The following AATF variants were observed in gnomAD, a reference collection of about 807,000 sequenced individuals.
The protein encoded by AATF is apoptosis antagonizing transcription factor, also known as protein AATF.
AATF carries 48 observed loss-of-function variants against 63.7 expected under a neutral mutation model. The observed-to-expected ratio is 0.75, with a 90% confidence interval of 0.60 to 0.96. The LOEUF (loss-of-function observed/expected upper bound fraction) is 0.96. Among genes scored for constraint, AATF ranks in the 40% least tolerant of loss-of-function variants. The pLI is 0.00. For missense variants in AATF, 639 were observed against 685.7 expected (o/e 0.93, Z 0.76); for synonymous variants, 258 against 247.7 (o/e 1.04, Z -0.39).
intron 11 of AATF, among the ~76,000 whole-genome samples, chr17:37,040,289 C>T (rs947929163): frequency 1.1e-4 from 17 of 152,090 alleles, no homozygotes; most frequent in African/African-American, 3.9e-4. Context: ...TGCTGAGATA[C>T]CATTTCTGTT....
intron 8 of AATF, among the ~76,000 whole-genome samples, chr17:37,002,966 G>C (rs1250334775): frequency 8.0e-6 from 1 of 125,320 alleles, no homozygotes; most frequent in East Asian, 2.5e-4. Flanking sequence ...ATATGGAAAT[G>C]TAAGGACCCA....
intron 10 of AATF, chr17:37,021,252 C>A: frequency 5.1e-6 from 2 of 394,962 alleles, no homozygotes; most frequent in South Asian, 8.5e-5. Flanking sequence ...ATATGCATTC[C>A]CTTGAAAGAG....
intron 1 of AATF, 29 bp from the exon 2 acceptor site, chr17:36,950,185 T>C (rs759287958): frequency 1.1e-5 from 17 of 1,603,776 alleles, no homozygotes; most frequent in African/African-American, 1.3e-5. Flanking sequence ...ACCTGGAGAT[T>C]CTGTTTACTT....
intron 11 of AATF, among the ~76,000 whole-genome samples, chr17:37,042,322 C>G (rs892039795): frequency 6.6e-5 from 10 of 151,738 alleles, no homozygotes; most frequent in African/African-American, 2.2e-4. Flanking sequence ...TTCTTTTAAT[C>G]TACTTGGGAG....
intron 8 of AATF, among the ~76,000 whole-genome samples, chr17:37,007,583 G>T (rs1200057653): frequency 6.6e-6 from 1 of 152,028 alleles, no homozygotes; most frequent in African/African-American, 2.4e-5. Flanking sequence ...GTTTCAGTCA[G>T]ATGTATCCCC....
chr17:37,020,072 CCTT>C (rs1272358448), intron 9 of AATF, among the ~76,000 whole-genome samples: 16 of 151,838 alleles, frequency 1.1e-4, no homozygotes, highest in African/African-American at 2.9e-4. Flanking sequence ...TGCTGTTTCT[CCTT>C]CTTTTTCTTT....
At chr17:36,997,379 G>C (rs1567977763) in intron 8 of AATF, among the ~76,000 whole-genome samples, 1 of 152,088 alleles carries the variant, frequency 6.6e-6, no homozygotes. Context: ...ACTCAAATCA[G>C]TAAGAAAAAA....
At chr17:37,037,574 C>T (rs1339157345) in intron 11 of AATF, among the ~76,000 whole-genome samples, 1 of 152,204 alleles carries the variant, frequency 6.6e-6, no homozygotes, top group Non-Finnish European at 1.5e-5. Flanking sequence ...CCACCTGCCC[C>T]ATGCCATTAG....
chr17:36,954,052 G>T, intron 4 of AATF, 145 bp downstream of exon 4: 1 of 747,078 alleles, frequency 1.3e-6, no homozygotes, highest in Non-Finnish European at 2.1e-6. Context: ...ATCCCCCTTG[G>T]CTTTCCAAGT....
chr17:36,973,248 T>C (rs908716591), intron 4 of AATF, among the ~76,000 whole-genome samples: 1 of 152,122 alleles, frequency 6.6e-6, no homozygotes, highest in African/African-American at 2.4e-5. Context: ...GGTGAAAAAG[T>C]AGAAAGTAAA....
intron 8 of AATF, among the ~76,000 whole-genome samples, chr17:37,004,532 A>C (rs2071327421): frequency 6.6e-6 from 1 of 152,010 alleles, no homozygotes; most frequent in Admixed American, 6.6e-5. Context: ...AAAAGGTAGG[A>C]ATTGCTGGTC....
rs577132749 is a variant in AATF, at chr17:37,009,645, G to T, written c.1399-9360G>T. Among the ~76,000 whole-genome samples the T allele has an allele frequency of 1.5e-3, 221 of 147,794 alleles. 1 individual carries two copies. The highest frequency in any genetic ancestry group is 5.2e-3 in the African/African-American group (209 of 40,124). Reference sequence around the variant, plus strand: ...ATCCTGGCTAACAAGGTGAAACCCCGTCTCTACTAAAAATACAAAAAATTA... The same window carrying T: ...ATCCTGGCTAACAAGGTGAAACCCCTTCTCTACTAAAAATACAAAAAATTA... On this transcript the variant is annotated intron_variant, in intron 8 of 11. Coordinates refer to ENST00000619387, the MANE Select transcript of AATF (RefSeq NM_012138.4).
intron 11 of AATF, chr17:37,052,208 TTA>T (rs2071758464): frequency 6.6e-6 from 1 of 152,114 alleles, no homozygotes; most frequent in Non-Finnish European, 1.5e-5. Flanking sequence ...AAAAAGTTGA[TTA>T]TGCATAGCCT....
chr17:36,984,903 T>G (rs952242742), intron 4 of AATF, among the ~76,000 whole-genome samples: 1 of 145,756 alleles, frequency 6.9e-6, no homozygotes, highest in African/African-American at 2.6e-5. Flanking sequence ...CTCCCACAGT[T>G]TTTTTTTTTT....
intron 11 of AATF, among the ~76,000 whole-genome samples, chr17:37,050,514 C>T (rs1006419600): frequency 4.6e-5 from 7 of 152,078 alleles, no homozygotes; most frequent in Non-Finnish European, 7.4e-5. Context: ...AGTACATCAC[C>T]AATAATTTTA....
At chr17:37,054,777 A>G (rs1268846071) in intron 11 of AATF, 1 of 152,250 alleles carries the variant, frequency 6.6e-6, no homozygotes, top group Non-Finnish European at 1.5e-5. Flanking sequence ...GTGAAGGGCT[A>G]GCCTCGCGCC....
chr17:37,042,402 CT>C (rs1014023749), intron 11 of AATF, among the ~76,000 whole-genome samples: 2 of 149,762 alleles, frequency 1.3e-5, no homozygotes, highest in South Asian at 2.1e-4. Flanking sequence ...GAGTCCAGGT[CT>C]TTTTTTTTGT....
At chr17:36,962,987 C>T (rs903864836) in intron 4 of AATF, among the ~76,000 whole-genome samples, 45 of 152,148 alleles carry the variant, frequency 3.0e-4, no homozygotes, top group Admixed American at 2.2e-3. Context: ...GGAGTGGTGG[C>T]GGATGCTTGT....
chr17:36,959,388 A>C (rs1029336076), intron 4 of AATF, among the ~76,000 whole-genome samples: 3 of 152,222 alleles, frequency 2.0e-5, no homozygotes, highest in Admixed American at 2.0e-4. Context: ...GGTTACAGTG[A>C]GCAGAGATCA....
Sources: gnomAD v4.1 joint callset for allele counts (sites outside exome capture counted in the v4.1 genomes callset) on GRCh38, gnomAD v4.1.1 for gene constraint, MANE v1.5 for transcripts, NCBI Gene and HGNC (gene_info 2026-07-23, HGNC 2026-07-21) for gene names.